Variants in TNR observed in about 807,000 individuals in gnomAD.
TNR encodes the protein tenascin R, also known as tenascin-R.
Under a neutral mutation model 150.4 loss-of-function variants are expected in TNR, and 45 were observed. That is an observed-to-expected ratio of 0.30 (90% CI 0.24 to 0.38). The LOEUF (loss-of-function observed/expected upper bound fraction) is 0.38. Ranked by LOEUF, TNR falls within the 10% of genes least tolerant of loss-of-function variation. The pLI, the probability that TNR is intolerant of heterozygous loss-of-function variation, is 1.00. For missense variants in TNR, 1,544 were observed against 1,759.1 expected (o/e 0.88, Z 2.19); for synonymous variants, 687 against 678.4 (o/e 1.01, Z -0.20).
At chr1:175,466,191 T>C (rs1557950977) in intron 2 of TNR, among the ~76,000 whole-genome samples, 1 of 152,226 alleles carries the variant, frequency 6.6e-6, no homozygotes, top group East Asian at 1.9e-4. Flanking sequence ...TTTATACATA[T>C]GGAAACTGAG....
At chr1:175,431,401 A>C (rs1344069002) in intron 2 of TNR, among the ~76,000 whole-genome samples, 2 of 152,244 alleles carry the variant, frequency 1.3e-5, no homozygotes, top group African/African-American at 4.8e-5. Flanking sequence ...TGGTGATAAT[A>C]ATGTAAAACA....
At chr1:175,720,863 T>G (rs1454964028) in intron 1 of TNR, among the ~76,000 whole-genome samples, 1 of 152,328 alleles carries the variant, frequency 6.6e-6, no homozygotes. Flanking sequence ...ATAACCACAC[T>G]AGCGCTCTAA....
rs150208639 is a variant in TNR, at chr1:175,692,159, A to G, written c.-165+51067T>C. Among the ~76,000 whole-genome samples the G allele has an allele frequency of 3.9e-4, 60 of 152,344 alleles. No individual in the cohort carries two copies. In the East Asian group the frequency reaches 9.5e-3, roughly 24 times the overall value. ...GTCAGGAAAGGGAATAAGAGGGATAAAATGAAATTAGATGCCAATTAACCT... is the reference window on the plus strand; with the variant it reads ...GTCAGGAAAGGGAATAAGAGGGATAGAATGAAATTAGATGCCAATTAACCT... On this transcript the variant is annotated intron_variant, in intron 1 of 22. Transcript: ENST00000367674.
chr1:175,415,313 G>A (rs778602662), intron 2 of TNR, among the ~76,000 whole-genome samples: 1 of 152,116 alleles, frequency 6.6e-6, no homozygotes, highest in South Asian at 2.1e-4. Context: ...GGGAGAACTC[G>A]GAGCCAGCTC....
intron 4 of TNR, among the ~76,000 whole-genome samples, chr1:175,401,473 G>A (rs1416730716): frequency 6.6e-6 from 1 of 151,986 alleles, no homozygotes; most frequent in Non-Finnish European, 1.5e-5. Flanking sequence ...ACTTCTGCTT[G>A]AATTTCACTT....
At chr1:175,324,022 CT>C (rs937384846) in intron 22 of TNR, among the ~76,000 whole-genome samples, 1 of 152,140 alleles carries the variant, frequency 6.6e-6, no homozygotes, top group African/African-American at 2.4e-5. Flanking sequence ...CCAGTTCACA[CT>C]GGTATTTTCG....
chr1:175,631,420 T>G (rs1472140980), intron 1 of TNR, among the ~76,000 whole-genome samples: 1 of 152,188 alleles, frequency 6.6e-6, no homozygotes, highest in Non-Finnish European at 1.5e-5. Flanking sequence ...CCCAGGACAG[T>G]TTTGAATGCA....
At chr1:175,382,592 G>C (rs1571364908) in intron 8 of TNR, among the ~76,000 whole-genome samples, 1 of 152,180 alleles carries the variant, frequency 6.6e-6, no homozygotes, top group African/African-American at 2.4e-5. Context: ...CACCAACTGG[G>C]TGTCTTAAAT....
intron 1 of TNR, among the ~76,000 whole-genome samples, chr1:175,635,225 G>A (rs1044764227): frequency 6.6e-6 from 1 of 152,202 alleles, no homozygotes; most frequent in Admixed American, 6.5e-5. Context: ...CATTGCACCT[G>A]GGCATATCTG....
intron 2 of TNR, among the ~76,000 whole-genome samples, chr1:175,472,490 G>A (rs1041407592): frequency 1.3e-5 from 2 of 152,176 alleles, no homozygotes; most frequent in Non-Finnish European, 2.9e-5. Flanking sequence ...ACTTTTTTAT[G>A]ACTTGCAGTG....
chr1:175,720,235 C>T (rs1667261942), intron 1 of TNR, among the ~76,000 whole-genome samples: 1 of 152,114 alleles, frequency 6.6e-6, no homozygotes, highest in Admixed American at 6.5e-5. Context: ...CAGGAGAGAC[C>T]AGAGCTCACT....
At position 175,323,618 on chromosome 1, in the gene TNR, C is replaced by T. The variant is rs1649185410; in HGVS notation, c.3958-142G>A. ...TAACATGAAGCTTCAAGGCCGAGTTCCCAATAAAGTGAAAGGGGCAGAGTC... is the reference window on the plus strand; with the variant it reads ...TAACATGAAGCTTCAAGGCCGAGTTTCCAATAAAGTGAAAGGGGCAGAGTC... On this transcript the variant is annotated intron_variant, in intron 22 of 22. Coordinates refer to ENST00000367674, the MANE Select transcript of TNR (RefSeq NM_003285.3). 12 of 1,210,938 alleles carry T rather than the reference C, an allele frequency of 9.9e-6. No homozygotes were observed. In the South Asian group the frequency reaches 1.7e-4, roughly 17 times the overall value. 75.0% of individuals were successfully genotyped at this position (1,210,938 alleles called of 1,614,324 possible).
intron 1 of TNR, among the ~76,000 whole-genome samples, chr1:175,649,814 G>C (rs2101887538): frequency 6.6e-6 from 1 of 152,170 alleles, no homozygotes. Context: ...CACTCTTCAT[G>C]AACATGTGTT....
chr1:175,628,280 T>A (rs921046244), intron 1 of TNR, among the ~76,000 whole-genome samples: 2 of 152,158 alleles, frequency 1.3e-5, no homozygotes, highest in African/African-American at 2.4e-5. Context: ...AGGGAACCTC[T>A]CCTACAGGTT....
chr1:175,647,272 T>C (rs1377643367), intron 1 of TNR, among the ~76,000 whole-genome samples: 1 of 152,186 alleles, frequency 6.6e-6, no homozygotes, highest in Non-Finnish European at 1.5e-5. Flanking sequence ...AGCAGGATTG[T>C]TCACCACATG....
At chr1:175,672,882 T>C (rs1665744634) in intron 1 of TNR, among the ~76,000 whole-genome samples, 1 of 152,186 alleles carries the variant, frequency 6.6e-6, no homozygotes, top group Admixed American at 6.5e-5. Context: ...CACTACTCTT[T>C]TCCCCCAATC....
At chr1:175,723,085 C>T (rs1667361801) in intron 1 of TNR, among the ~76,000 whole-genome samples, 1 of 152,118 alleles carries the variant, frequency 6.6e-6, no homozygotes, top group South Asian at 2.1e-4. Context: ...TCACTGTGCC[C>T]AGCCTCTAAT....
chr1:175,360,082 A>T (rs1651523402), intron 14 of TNR, among the ~76,000 whole-genome samples: 1 of 152,204 alleles, frequency 6.6e-6, no homozygotes, highest in Admixed American at 6.5e-5. Flanking sequence ...GCAACCAAGA[A>T]CCCACAGAAA....
At chr1:175,451,219 TG>T (rs746932947) in intron 2 of TNR, among the ~76,000 whole-genome samples, 8,762 of 105,106 alleles carry the variant, frequency 0.083, 260 homozygotes, top group East Asian at 0.11. Context: ...TTTTTTTTAA[TG>T]TTTTTATTTT....
Sources: allele counts gnomAD v4.1 joint callset (sites outside exome capture counted in the v4.1 genomes callset), GRCh38; gene constraint gnomAD v4.1.1; transcripts MANE v1.5; gene names NCBI Gene and HGNC (gene_info 2026-07-23, HGNC 2026-07-21).